RYR3: variants seen among roughly 807,000 people sequenced by gnomAD.
RYR3 encodes brain ryanodine receptor-calcium release channel.
In RYR3, 207 loss-of-function variants were observed where a neutral mutation model predicts 584.3. The ratio of observed to expected loss-of-function variants is 0.35; its 90% CI spans 0.32 to 0.40. The LOEUF (loss-of-function observed/expected upper bound fraction) is 0.40. Ranked by LOEUF, RYR3 falls within the 10% of genes least tolerant of loss-of-function variation. The pLI is 1.00. For synonymous variants in RYR3, 2,416 were observed against 2,248.5 expected, an observed-to-expected ratio of 1.07 and a Z score of -2.11; for missense variants, 5,616 against 6,089.2, an observed-to-expected ratio of 0.92 and a Z score of 2.59.
intron 1 of RYR3, among the ~76,000 whole-genome samples, chr15:33,400,781 T>C (rs11857634): frequency 0.16 from 24,105 of 152,154 alleles, 4,385 homozygotes; most frequent in African/African-American, 0.45. Flanking sequence ...TTTCCCTTTC[T>C]TCCACCAACG....
At chr15:33,493,368 C>T (rs1464338144) in intron 2 of RYR3, among the ~76,000 whole-genome samples, 1 of 152,188 alleles carries the variant, frequency 6.6e-6, no homozygotes, top group East Asian at 1.9e-4. Context: ...CATGGTTTCT[C>T]ATCACAGCAT....
intron 1 of RYR3, among the ~76,000 whole-genome samples, chr15:33,360,527 T>C (rs755722213): frequency 2.0e-5 from 3 of 152,248 alleles, no homozygotes; most frequent in Non-Finnish European, 2.9e-5. Context: ...CCTGCTGATA[T>C]GAATATTTGG....
At chr15:33,771,213 GT>G (rs1286059240) in intron 62 of RYR3, among the ~76,000 whole-genome samples, 1 of 152,162 alleles carries the variant, frequency 6.6e-6, no homozygotes, top group Admixed American at 6.5e-5. Context: ...CATCGGAAGA[GT>G]TTATGTTTCT....
At chr15:33,499,609 T>G (rs1320599041) in intron 2 of RYR3, among the ~76,000 whole-genome samples, 1 of 152,198 alleles carries the variant, frequency 6.6e-6, no homozygotes. Flanking sequence ...TGTTAAATAT[T>G]TACTGTACAC....
chr15:33,725,182 C>CACACACACACACATATAT (rs2068276144), intron 45 of RYR3, among the ~76,000 whole-genome samples: 4 of 149,278 alleles, frequency 2.7e-5, no homozygotes, highest in African/African-American at 7.4e-5. Flanking sequence ...CACACACACA[C>CACACACACACACATATAT]ACACACACAC....
At chr15:33,548,028 A>C in intron 8 of RYR3, 102 bp from the exon 9 acceptor site, 1 of 768,868 alleles carries the variant, frequency 1.3e-6, no homozygotes, top group East Asian at 2.7e-5. Context: ...AAAAGGGCTT[A>C]GACAAGCTCA....
At chr15:33,768,873 C>T (rs1313959537) in intron 61 of RYR3, among the ~76,000 whole-genome samples, 166 bp downstream of exon 61, 1 of 152,200 alleles carries the variant, frequency 6.6e-6, no homozygotes, top group Admixed American at 6.5e-5. Context: ...CCTCTTTACC[C>T]TTTTAACTGC....
intron 97 of RYR3, 28 bp downstream of exon 97, chr15:33,854,477 T>C: frequency 6.5e-7 from 1 of 1,533,320 alleles, no homozygotes; most frequent in Non-Finnish European, 8.8e-7. Flanking sequence ...AAAAACAAAA[T>C]TCTATACCCC....
intron 69 of RYR3, among the ~76,000 whole-genome samples, chr15:33,803,811 G>T (rs574203354): frequency 6.6e-6 from 1 of 152,152 alleles, no homozygotes; most frequent in Non-Finnish European, 1.5e-5. Context: ...CACAGCTCCC[G>T]GCCTTATCTT....
intron 1 of RYR3, among the ~76,000 whole-genome samples, chr15:33,460,963 A>G (rs1377492459): frequency 4.6e-4 from 12 of 26,128 alleles, no homozygotes; most frequent in African/African-American, 4.4e-3. Flanking sequence ...TTTTTTTTTT[A>G]AGACGGAGTC....
chr15:33,864,067 TCA>T (rs1889521019), intron 102 of RYR3, 69 bp from the exon 103 acceptor site: 3 of 1,161,282 alleles, frequency 2.6e-6, no homozygotes, highest in Non-Finnish European at 3.8e-6. Context: ...TGAGCCCTGA[TCA>T]CAGTTAATCC....
At position 33,854,951 on chromosome 15, in the gene RYR3, T is replaced by C. The variant is rs200109895; in HGVS notation, c.14007+39T>C. On this transcript the variant is annotated intron_variant, in intron 98 of 103. Transcript: ENST00000634891. ...TGATGCAGAACAGAATGGACCTGTATATGCACAGGAAAAAAAGAACAGCAG... is the reference window on the plus strand; with the variant it reads ...TGATGCAGAACAGAATGGACCTGTACATGCACAGGAAAAAAAGAACAGCAG... 1.4e-3 allele frequency: 2,104 copies of C among 1,551,758 alleles called. 8 individuals carry two copies. The Middle Eastern group carries it at 0.024, about 17-fold the overall frequency.
chr15:33,716,324 CGGA>C (rs2067493787), intron 43 of RYR3, among the ~76,000 whole-genome samples: 2 of 152,220 alleles, frequency 1.3e-5, no homozygotes, highest in South Asian at 4.2e-4. Flanking sequence ...ACATAAATTT[CGGA>C]GGAGGCACCA....
rs759769217 is a variant in RYR3 at position 33,662,241 on chromosome 15, C to T, written c.4711C>T (p.Leu1571=). 7.5e-6 allele frequency: 12 copies of T among 1,609,478 alleles called. No homozygotes were observed. In the East Asian group the frequency reaches 2.7e-4, roughly 36 times the overall value. The part of the protein sequence containing the change: ...TLRLYSAVCA[L]GNSRVAYALC... Reference sequence around the variant, plus strand: ...GAGGCTCTACAGCGCGGTGTGCGCCCTGGGAAACAGCCGCGTGGCCTACGC... The same window carrying T: ...GAGGCTCTACAGCGCGGTGTGCGCCTTGGGAAACAGCCGCGTGGCCTACGC... Residue 1571 remains leucine, a synonymous_variant, in exon 35 of 104, where the codon CTG becomes TTG. Transcript: ENST00000634891.
intron 11 of RYR3, among the ~76,000 whole-genome samples, chr15:33,565,411 G>C (rs918564384): frequency 6.6e-6 from 1 of 152,082 alleles, no homozygotes; most frequent in African/African-American, 2.4e-5. Context: ...ATATAGATGG[G>C]ATGCAAAGTC....
At chr15:33,794,295 T>TC in intron 67 of RYR3, among the ~76,000 whole-genome samples, 1 of 76,990 alleles carries the variant, frequency 1.3e-5, no homozygotes, top group Non-Finnish European at 2.7e-5. Context: ...AAAAGATTTT[T>TC]TATATATATA....
intron 38 of RYR3, 115 bp downstream of exon 38, chr15:33,670,671 C>G (rs1302290614): frequency 9.3e-6 from 10 of 1,071,634 alleles, no homozygotes; most frequent in Non-Finnish European, 1.3e-5. Flanking sequence ...AAGAAAGCAT[C>G]TGGGCAGTAT....
intron 2 of RYR3, among the ~76,000 whole-genome samples, chr15:33,484,520 C>T (rs11854602): frequency 0.15 from 22,367 of 152,126 alleles, 4,268 homozygotes; most frequent in African/African-American, 0.44. Flanking sequence ...GGGAGCTGAA[C>T]ATGTATAGGG....
At chr15:33,529,311 T>A (rs1229126193) in intron 3 of RYR3, among the ~76,000 whole-genome samples, 2 of 152,238 alleles carry the variant, frequency 1.3e-5, no homozygotes, top group African/African-American at 4.8e-5. Flanking sequence ...TTTTCTCTTC[T>A]TTAGGCTCAT....
Sources: allele counts gnomAD v4.1 joint callset (sites outside exome capture counted in the v4.1 genomes callset), GRCh38; gene constraint gnomAD v4.1.1; transcripts MANE v1.5; gene names NCBI Gene and HGNC (gene_info 2026-07-23, HGNC 2026-07-21).